NAA15: variants seen among roughly 807,000 people sequenced by gnomAD.
The protein encoded by NAA15 is N-terminal acetyltransferase.
NAA15 carries 34 observed loss-of-function variants against 114.0 expected under a neutral mutation model. The ratio of observed to expected loss-of-function variants is 0.30; its 90% CI spans 0.23 to 0.40. The LOEUF (loss-of-function observed/expected upper bound fraction) is 0.40, where lower values mean the gene tolerates loss of function less well. Ranked by LOEUF, NAA15 falls within the 10% of genes least tolerant of loss-of-function variation. NAA15 has a pLI of 1.00. For synonymous variants in NAA15, 340 were observed against 338.0 expected, an observed-to-expected ratio of 1.01 and a Z score of -0.06; for missense variants, 658 against 1,004.5, an observed-to-expected ratio of 0.66 and a Z score of 4.66.
intron 1 of NAA15, among the ~76,000 whole-genome samples, chr4:139,309,542 C>CT: frequency 6.6e-6 from 1 of 151,624 alleles, no homozygotes; most frequent in East Asian, 1.9e-4. Context: ...TGCCAAGTAG[C>CT]TGAGATTATG....
At chr4:139,344,818 T>C (rs539941605) in intron 6 of NAA15, among the ~76,000 whole-genome samples, 18 of 152,164 alleles carry the variant, frequency 1.2e-4, no homozygotes, top group Non-Finnish European at 2.1e-4. Flanking sequence ...ATGTCTTCGA[T>C]GACACAGAAA....
intron 1 of NAA15, 34 bp from the exon 2 acceptor site, chr4:139,334,140 G>C (rs1396083614): frequency 1.4e-6 from 2 of 1,405,600 alleles, no homozygotes; most frequent in Non-Finnish European, 2.0e-6. Flanking sequence ...TGTATTCCTT[G>C]CTAAACTTAA....
intron 14 of NAA15, among the ~76,000 whole-genome samples, chr4:139,362,880 AGT>A (rs1748174629): frequency 6.6e-6 from 1 of 152,148 alleles, no homozygotes; most frequent in African/African-American, 2.4e-5. Context: ...GGGCATAAAA[AGT>A]GTGTTTAATT....
chr4:139,312,218 T>C (rs1437160577), intron 1 of NAA15, among the ~76,000 whole-genome samples: 3 of 151,962 alleles, frequency 2.0e-5, no homozygotes, highest in African/African-American at 4.8e-5. Context: ...CTGAAAAGAA[T>C]GTCAGTTGCC....
chr4:139,345,620 T>C (rs1747553114), intron 6 of NAA15, among the ~76,000 whole-genome samples: 1 of 152,082 alleles, frequency 6.6e-6, no homozygotes, highest in Non-Finnish European at 1.5e-5. Context: ...AAACATCAAG[T>C]CTATTTAAAA....
At chr4:139,301,950 C>A in intron 1 of NAA15, 119 bp downstream of exon 1, 1 of 1,123,836 alleles carries the variant, frequency 8.9e-7, no homozygotes, top group Non-Finnish European at 1.3e-6. Context: ...GCCTTCATAG[C>A]TCTCGTCAGG....
intron 6 of NAA15, among the ~76,000 whole-genome samples, chr4:139,345,057 T>A (rs1747537286): frequency 6.6e-6 from 1 of 152,252 alleles, no homozygotes; most frequent in African/African-American, 2.4e-5. Flanking sequence ...CTTGCTAGTC[T>A]AGGGAACTGA....
intron 17 of NAA15, among the ~76,000 whole-genome samples, chr4:139,383,437 G>A (rs78277960): frequency 0.055 from 8,319 of 152,176 alleles, 257 homozygotes; most frequent in East Asian, 0.1. Context: ...TAAATCCCAA[G>A]GCCTGGGAAT....
At chr4:139,311,132 T>G (rs1334524910) in intron 1 of NAA15, among the ~76,000 whole-genome samples, 3 of 151,850 alleles carry the variant, frequency 2.0e-5, no homozygotes, top group African/African-American at 7.3e-5. Flanking sequence ...CTTCCTTGGC[T>G]AGCAGTCAGT....
chr4:139,380,470 C>A (rs1369021233), intron 17 of NAA15, among the ~76,000 whole-genome samples: 1 of 152,032 alleles, frequency 6.6e-6, no homozygotes, highest in African/African-American at 2.4e-5. Context: ...TAGATACTTT[C>A]TTTTGAAATA....
chr4:139,376,163 A>C (rs1169055342), intron 15 of NAA15, among the ~76,000 whole-genome samples: 1 of 152,256 alleles, frequency 6.6e-6, no homozygotes, highest in East Asian at 1.9e-4. Context: ...GCAATAATAA[A>C]GTATCTAGGG....
At chr4:139,352,814 C>T (rs919094636) in intron 9 of NAA15, among the ~76,000 whole-genome samples, 3 of 151,824 alleles carry the variant, frequency 2.0e-5, no homozygotes, top group African/African-American at 4.8e-5. Context: ...ATTACAGGCA[C>T]GTGCCACCAT....
chr4:139,328,048 T>C (rs535949259), intron 1 of NAA15, among the ~76,000 whole-genome samples: 1 of 152,294 alleles, frequency 6.6e-6, no homozygotes, highest in Admixed American at 6.5e-5. Flanking sequence ...AATTATATTT[T>C]TCTACATTAT....
chr4:139,390,690 G>C lies in NAA15; in HGVS notation c.*2606G>C, dbSNP rs1055486842. 5 of 152,440 alleles carry C rather than the reference G, an allele frequency of 3.3e-5. No homozygotes were observed. The East Asian group carries it at 9.6e-4, about 29-fold the overall frequency. The allele number at this position is 152,440 out of a possible 1,614,324, so 9.4% of individuals were successfully genotyped here. On this transcript the variant is annotated 3_prime_UTR_variant, in exon 20 of 20. Transcript: ENST00000296543. ...GAAAAACTAAAATCTGACTAGGTTA[G>C]TTTACTCAGCTTTAATTAGATAGTT... is the stretch of plus-strand genomic sequence containing the variant.
chr4:139,339,036 C>T (rs1028323949), intron 3 of NAA15, among the ~76,000 whole-genome samples: 7 of 151,986 alleles, frequency 4.6e-5, no homozygotes, highest in Non-Finnish European at 8.8e-5. Flanking sequence ...GTCTCGAACT[C>T]GTGACTTGAA....
chr4:139,385,458 AG>A (rs1748887336), intron 18 of NAA15, among the ~76,000 whole-genome samples: 1 of 151,718 alleles, frequency 6.6e-6, no homozygotes, highest in East Asian at 1.9e-4. Flanking sequence ...AAATGAAGGT[AG>A]AGCTTTCTTT....
chr4:139,349,815 T>C lies in NAA15; in HGVS notation c.811+234T>C, dbSNP rs560175577. 1.5e-4 allele frequency among the ~76,000 whole-genome samples: 23 copies of C among 151,790 alleles called. No individual in the cohort carries two copies. The South Asian group carries it at 4.6e-3, about 30-fold the overall frequency. On this transcript the variant is annotated intron_variant, in intron 7 of 19. Coordinates refer to ENST00000296543, the MANE Select transcript of NAA15 (RefSeq NM_057175.5). ...GCCTGGACAACATGGTGAAACCCTGTCTCTACTAAAATACAAAAAATTAGC... is the reference window on the plus strand; with the variant it reads ...GCCTGGACAACATGGTGAAACCCTGCCTCTACTAAAATACAAAAAATTAGC...
At chr4:139,351,155 G>C in intron 7 of NAA15, 36 bp from the exon 8 acceptor site, 1 of 1,077,874 alleles carries the variant, frequency 9.3e-7, no homozygotes, top group Non-Finnish European at 1.3e-6. Context: ...TACAATTTAT[G>C]ATTATATATA....
In NAA15 at chr4:139,370,362, A is replaced by G. The variant is rs750438445; in HGVS notation, c.1905A>G (p.Ile635Met). 3 of 1,584,768 alleles carry G rather than the reference A, an allele frequency of 1.9e-6. No individual in the cohort carries two copies. Among genetic ancestry groups the G allele is most frequent in the Admixed American group, 1.9e-5 (1 of 51,666 alleles). ...KKKKDDDDEE[I>M]GGPKEELIPE... is the part of the protein sequence containing the mutation. Reference sequence around the variant, plus strand: ...AGAAGGATGATGATGATGAGGAGATAGGAGGTCCAAAAGAAGAACTTATTC... The same window carrying G: ...AGAAGGATGATGATGATGAGGAGATGGGAGGTCCAAAAGAAGAACTTATTC... The change falls in exon 15 of 20, where the codon ATA (isoleucine) becomes ATG (methionine). Residue 635 changes from isoleucine (I) to methionine (M), a missense_variant. By Grantham distance (10) the Ile-to-Met change is conservative (BLOSUM62 1). Transcript: ENST00000296543.
Sources: allele counts gnomAD v4.1 joint callset (sites outside exome capture counted in the v4.1 genomes callset), GRCh38; gene constraint gnomAD v4.1.1; transcripts MANE v1.5; gene names NCBI Gene and HGNC (gene_info 2026-07-23, HGNC 2026-07-21).